AKAP13: variants seen among roughly 807,000 people sequenced by gnomAD.
AKAP13 encodes A-kinase anchor protein 13.
Under a neutral mutation model 264.5 loss-of-function variants are expected in AKAP13, and 80 were observed. The observed-to-expected ratio is 0.30, with a 90% confidence interval of 0.25 to 0.36. The LOEUF (loss-of-function observed/expected upper bound fraction) is 0.36. AKAP13 is among the 10% of genes least tolerant of loss of function. AKAP13 has a pLI of 1.00. For synonymous variants in AKAP13, 1,380 were observed against 1,250.2 expected (o/e 1.10, Z -2.19); for missense variants, 3,712 against 3,435.2 (o/e 1.08, Z -2.01).
intron 5 of AKAP13, among the ~76,000 whole-genome samples, chr15:85,571,689 C>T (rs1431696061): frequency 1.3e-5 from 2 of 152,252 alleles, no homozygotes; most frequent in African/African-American, 2.4e-5. Flanking sequence ...TGTTGTCTCC[C>T]TTGTTCGACA....
At position 85,468,971 on chromosome 15, in the gene AKAP13, A is replaced by G. The variant is rs7183201; in HGVS notation, c.-11-16739A>G. Among the ~76,000 whole-genome samples the G allele has an allele frequency of 2.2e-3, 246 of 112,128 alleles. 15 individuals are homozygous for G. Among genetic ancestry groups the G allele is most frequent in the Non-Finnish European group, 3.2e-3 (181 of 56,946 alleles). The allele number at this position is 112,128 out of a possible 152,430, so 73.6% of individuals were successfully genotyped here. The stretch of plus-strand genomic sequence containing the variant: ...CTCTTGTCACCCAGGCTGGAGTGCA[A>G]TGGCGTGATCTCAGCTCACTGCAGC... On this transcript the variant is annotated intron_variant, in intron 1 of 36. Coordinates refer to ENST00000394518, the MANE Select transcript of AKAP13 (RefSeq NM_007200.5).
intron 1 of AKAP13, among the ~76,000 whole-genome samples, chr15:85,394,319 G>A (rs1454967679): frequency 6.6e-6 from 1 of 152,160 alleles, no homozygotes; most frequent in Non-Finnish European, 1.5e-5. Flanking sequence ...CTGTAATACA[G>A]GGGAGTGGAT....
intron 5 of AKAP13, among the ~76,000 whole-genome samples, chr15:85,546,286 A>G (rs577327046): frequency 1.3e-5 from 2 of 150,556 alleles, no homozygotes; most frequent in Admixed American, 1.3e-4. Context: ...ATCACACTGT[A>G]CCCCATAAAT....
intron 17 of AKAP13, among the ~76,000 whole-genome samples, chr15:85,698,404 G>T (rs761193947): frequency 6.9e-6 from 1 of 145,600 alleles, no homozygotes; most frequent in African/African-American, 2.6e-5. Context: ...GACAGAGGTT[G>T]CAGTGAGCCG....
At position 85,745,321 on chromosome 15, in the gene AKAP13, A is replaced by T. The variant is rs1201542250; in HGVS notation, c.*644A>T. The T allele has an allele frequency of 6.6e-6, 1 of 152,134 alleles. No individual in the cohort carries two copies. Among genetic ancestry groups the T allele is most frequent in the Non-Finnish European group, 1.5e-5 (1 of 68,048 alleles). 9.4% of individuals were successfully genotyped at this position (152,134 alleles called of 1,614,324 possible). ...ATGTATTTCTCATTTCATTTTAGGG[A>T]TGACAAACATTTGTGAAACCAGTGA... On this transcript the variant is annotated 3_prime_UTR_variant, in exon 37 of 37. Coordinates refer to ENST00000394518, the MANE Select transcript of AKAP13 (RefSeq NM_007200.5).
intron 12 of AKAP13, among the ~76,000 whole-genome samples, chr15:85,663,192 C>A (rs1328185034): frequency 1.3e-5 from 2 of 152,070 alleles, no homozygotes; most frequent in African/African-American, 4.8e-5. Flanking sequence ...TGCCTGTAAT[C>A]CCAGCTACCT....
chr15:85,525,058 A>AT (rs11419433), intron 3 of AKAP13, among the ~76,000 whole-genome samples: 41,019 of 129,382 alleles, frequency 0.32, 9,128 homozygotes, highest in African/African-American at 0.6. Context: ...CTATCTTTAA[A>AT]TTTTTTTTTT....
rs982472612 is a variant in AKAP13, at chr15:85,392,400, G to A, written c.-12+11602G>A. Among the ~76,000 whole-genome samples, 6 of 150,988 alleles carry A rather than the reference G, an allele frequency of 4.0e-5. No individual in the cohort carries two copies. The East Asian group carries it at 7.8e-4, about 20-fold the overall frequency. On this transcript the variant is annotated intron_variant, in intron 1 of 36. Transcript: ENST00000394518. Reference sequence around the variant, plus strand: ...CTCCTGAGTAGCTGGGACTACAGGCGTGCACCACCACGCCCGGCTAATTTT... The same window carrying A: ...CTCCTGAGTAGCTGGGACTACAGGCATGCACCACCACGCCCGGCTAATTTT...
At chr15:85,484,954 G>C (rs2075484859) in intron 1 of AKAP13, among the ~76,000 whole-genome samples, 1 of 152,138 alleles carries the variant, frequency 6.6e-6, no homozygotes, top group Non-Finnish European at 1.5e-5. Context: ...CTGTTTCTCT[G>C]ACTCTTAAGA....
At chr15:85,736,810 G>A (rs1317230256) in intron 33 of AKAP13, among the ~76,000 whole-genome samples, 1 of 151,898 alleles carries the variant, frequency 6.6e-6, no homozygotes, top group Non-Finnish European at 1.5e-5. Flanking sequence ...TCTATCACAA[G>A]CCTGATACTA....
chr15:85,544,173 T>TCTGC (rs1188004626), intron 5 of AKAP13: 9 of 685,456 alleles, frequency 1.3e-5, no homozygotes, highest in Non-Finnish European at 1.3e-5. Context: ...TTCTCTCTCG[T>TCTGC]CTGCCTGCCT....
At chr15:85,657,241 A>G (rs956224961) in intron 11 of AKAP13, among the ~76,000 whole-genome samples, 5 of 152,182 alleles carry the variant, frequency 3.3e-5, no homozygotes, top group African/African-American at 1.2e-4. Context: ...TGATAATATT[A>G]TGGCTGTGTA....
chr15:85,695,451 C>T (rs1011096846), intron 17 of AKAP13, among the ~76,000 whole-genome samples: 1 of 152,156 alleles, frequency 6.6e-6, no homozygotes, highest in Non-Finnish European at 1.5e-5. Context: ...TTGGAAGTTA[C>T]TTCTGTGATG....
At chr15:85,399,568 G>A (rs182578200) in intron 1 of AKAP13, among the ~76,000 whole-genome samples, 1 of 143,178 alleles carries the variant, frequency 7.0e-6, no homozygotes, top group Admixed American at 6.9e-5. Flanking sequence ...AGTTTTAGAT[G>A]CCATAAGATA....
chr15:85,446,023 A>G (rs1286488420), intron 1 of AKAP13, among the ~76,000 whole-genome samples: 4 of 151,990 alleles, frequency 2.6e-5, no homozygotes, highest in African/African-American at 9.7e-5. Flanking sequence ...ATTTATTTTG[A>G]TTTAGTTGTA....
rs548959013 is a variant in AKAP13, at chr15:85,392,136, G to A, written c.-12+11338G>A. 3.3e-5 allele frequency among the ~76,000 whole-genome samples: 5 copies of A among 151,096 alleles called. No individual in the cohort carries two copies. In the East Asian group the frequency reaches 9.7e-4, roughly 29 times the overall value. On this transcript the variant is annotated intron_variant, in intron 1 of 36. Coordinates refer to ENST00000394518, the MANE Select transcript of AKAP13 (RefSeq NM_007200.5). ...ATAATATTTTTTGAGGTTGGGCTCA[G>A]TTGGTGAGTTTCTAGGGTAGTGGGT...
chr15:85,710,522 G>A, intron 18 of AKAP13, 57 bp from the exon 19 acceptor site: 1 of 1,561,566 alleles, frequency 6.4e-7, no homozygotes, highest in East Asian at 2.2e-5. Flanking sequence ...TTCCTACTCG[G>A]CTTCTCAGGG....
intron 8 of AKAP13, among the ~76,000 whole-genome samples, chr15:85,598,539 C>T (rs887625513): frequency 1.2e-4 from 18 of 152,176 alleles, no homozygotes; most frequent in African/African-American, 4.3e-4. Flanking sequence ...AACATAGTCC[C>T]TTCTTCCAGG....
intron 35 of AKAP13, 35 bp downstream of exon 35, chr15:85,741,530 T>C (rs1435164503): frequency 6.5e-7 from 1 of 1,533,002 alleles, no homozygotes; most frequent in Non-Finnish European, 8.8e-7. Context: ...AACCTAATGA[T>C]GATATTAATT....
Sources: gnomAD v4.1 joint callset for allele counts (sites outside exome capture counted in the v4.1 genomes callset) on GRCh38, gnomAD v4.1.1 for gene constraint, MANE v1.5 for transcripts, NCBI Gene and HGNC (gene_info 2026-07-23, HGNC 2026-07-21) for gene names.